ZNF138: variants seen among roughly 807,000 people sequenced by gnomAD.
The protein encoded by ZNF138 is zinc finger protein 138, also known as zinc finger protein 138 (clone pHZ-32).
ZNF138 carries 33 observed loss-of-function variants against 33.0 expected under a neutral mutation model. The observed-to-expected ratio is 1.00, with a 90% CI of 0.76 to 1.34. ZNF138 has a LOEUF of 1.34. Ranked by LOEUF, ZNF138 falls within the 40% of genes most tolerant of loss-of-function variation. The pLI is 0.00. For missense variants in ZNF138, 360 were observed against 370.8 expected (o/e 0.97, Z 0.24); for synonymous variants, 139 against 120.4 (o/e 1.15, Z -1.01).
intron 1 of ZNF138, among the ~76,000 whole-genome samples, chr7:64,807,940 T>G (rs1031563266): frequency 6.6e-6 from 1 of 152,204 alleles, no homozygotes; most frequent in Non-Finnish European, 1.5e-5. Flanking sequence ...GAGTAGAGTA[T>G]TCTTGTCTTT....
the ZNF138 span, chr7:64,853,463 T>C: frequency 1.6e-6 from 1 of 627,626 alleles, no homozygotes; most frequent in African/African-American, 1.8e-5. Flanking sequence ...GTTAAACTTT[T>C]TTCTATATAT....
At chr7:64,801,336 T>G (rs946819265) in intron 1 of ZNF138, among the ~76,000 whole-genome samples, 6 of 152,208 alleles carry the variant, frequency 3.9e-5, no homozygotes, top group African/African-American at 1.4e-4. Context: ...GCATTAGCTG[T>G]GTTGCAGAGA....
Position 64,832,208 on chromosome 7 carries a change from T to C in ZNF138, c.*6T>C. 6.2e-7 allele frequency: 1 copy of C among 1,604,060 alleles called. No homozygotes were observed. Among genetic ancestry groups the C allele is most frequent in the Non-Finnish European group, 8.5e-7 (1 of 1,177,076 alleles). The stretch of plus-strand genomic sequence containing the variant: ...AAGCTTTTAACCTATCTTAACAACT[T>C]ACTGAACATAAGAAAATTTACACTA... On this transcript the variant is annotated 3_prime_UTR_variant, in exon 4 of 4. Coordinates refer to ENST00000307355, the MANE Select transcript of ZNF138 (RefSeq NM_001271639.2).
intron 3 of ZNF138, among the ~76,000 whole-genome samples, 158 bp downstream of exon 3, chr7:64,815,811 C>T (rs753454028): frequency 2.0e-5 from 3 of 152,280 alleles, no homozygotes; most frequent in Middle Eastern, 3.4e-3. Flanking sequence ...CATCTTCTGT[C>T]TTATGTTTTT....
chr7:64,831,381 G>A (rs1790064345), intron 3 of ZNF138, 70 bp from the exon 4 acceptor site: 1 of 1,335,220 alleles, frequency 7.5e-7, no homozygotes, highest in Non-Finnish European at 1.0e-6. Flanking sequence ...GATTTTATAG[G>A]TTAGATTTGT....
chr7:64,855,330 G>A, the ZNF138 span, among the ~76,000 whole-genome samples: 1 of 152,160 alleles, frequency 6.6e-6, no homozygotes, highest in African/African-American at 2.4e-5. Flanking sequence ...GTGCTCAATT[G>A]AATTCATGGA....
At chr7:64,844,564 A>G in the ZNF138 span, among the ~76,000 whole-genome samples, 2 of 150,352 alleles carry the variant, frequency 1.3e-5, no homozygotes, top group Non-Finnish European at 2.9e-5. Flanking sequence ...GTGAGGCTGG[A>G]TGAGCCCTGA....
At chr7:64,848,125 T>A in the ZNF138 span, among the ~76,000 whole-genome samples, 1 of 150,878 alleles carries the variant, frequency 6.6e-6, no homozygotes, top group Admixed American at 6.6e-5. Flanking sequence ...TTAGTTTCAC[T>A]GGATAAAAAA....
chr7:64,834,628 A>T (rs1790308741), downstream of ZNF138, among the ~76,000 whole-genome samples: 1 of 152,222 alleles, frequency 6.6e-6, no homozygotes, highest in African/African-American at 2.4e-5. Flanking sequence ...TTGTTGCTGC[A>T]TCAAAGGTAT....
At chr7:64,847,626 C>T in the ZNF138 span, among the ~76,000 whole-genome samples, 2 of 152,052 alleles carry the variant, frequency 1.3e-5, no homozygotes, top group Non-Finnish European at 2.9e-5. Context: ...TCTTCTTTAA[C>T]TGCTATTGCT....
At chr7:64,833,987 A>G (rs182134017), downstream of ZNF138, among the ~76,000 whole-genome samples, 128 of 152,286 alleles carry the variant, frequency 8.4e-4, 1 homozygote, top group African/African-American at 3.0e-3. Context: ...CTGCCTCCCA[A>G]AGTGCTGGAA....
intron 3 of ZNF138, among the ~76,000 whole-genome samples, chr7:64,818,913 ATTCT>A (rs897403067): frequency 5.9e-5 from 9 of 152,268 alleles, no homozygotes; most frequent in South Asian, 2.1e-4. Context: ...ATCTGGACAA[ATTCT>A]TTCTTAATGT....
intron 1 of ZNF138, chr7:64,813,952 T>C (rs1385711010): frequency 1.1e-6 from 1 of 903,762 alleles, no homozygotes; most frequent in East Asian, 9.8e-5. Flanking sequence ...TTTATGCTGC[T>C]GATGTGGATA....
chr7:64,794,594 C>G (rs767894076), intron 1 of ZNF138, 23 bp downstream of exon 1: 1 of 1,613,434 alleles, frequency 6.2e-7, no homozygotes, highest in Non-Finnish European at 8.5e-7. Context: ...GGTCCGACAT[C>G]CCGAGAGAGG....
chr7:64,814,779 T>G, intron 1 of ZNF138, 139 bp from the exon 2 acceptor site: 1 of 1,126,778 alleles, frequency 8.9e-7, no homozygotes, highest in Non-Finnish European at 1.2e-6. Flanking sequence ...AAAAAATTAT[T>G]TTATGAATAA....
intron 1 of ZNF138, among the ~76,000 whole-genome samples, chr7:64,806,123 A>G (rs530200113): frequency 5.1e-4 from 78 of 152,342 alleles, no homozygotes; most frequent in Admixed American, 1.4e-3. Context: ...ATAACCACAT[A>G]TAATATAAAC....
chr7:64,860,304 C>T, the ZNF138 span, among the ~76,000 whole-genome samples: 1 of 152,116 alleles, frequency 6.6e-6, no homozygotes, highest in African/African-American at 2.4e-5. Flanking sequence ...TATTTTTATA[C>T]CAATTTTGAA....
chr7:64,850,707 CTT>C, the ZNF138 span, among the ~76,000 whole-genome samples: 7 of 152,112 alleles, frequency 4.6e-5, no homozygotes, highest in Non-Finnish European at 1.0e-4. Context: ...CTCTTCAGCT[CTT>C]TACTGCCTAA....
chr7:64,827,347 A>G (rs1304974308), intron 3 of ZNF138, among the ~76,000 whole-genome samples: 1 of 151,556 alleles, frequency 6.6e-6, no homozygotes, highest in African/African-American at 2.4e-5. Flanking sequence ...TCCCGGGTTC[A>G]CGCCATTCTG....
Sources: allele counts gnomAD v4.1 joint callset (sites outside exome capture counted in the v4.1 genomes callset), GRCh38; gene constraint gnomAD v4.1.1; transcripts MANE v1.5; gene names NCBI Gene and HGNC (gene_info 2026-07-23, HGNC 2026-07-21).